RASEF: variants seen among roughly 807,000 people sequenced by gnomAD.
RASEF encodes the protein RAS and EF-hand domain containing.
Under a neutral mutation model 90.1 loss-of-function variants are expected in RASEF, and 68 were observed. The observed-to-expected ratio is 0.75, with a 90% CI of 0.62 to 0.92. RASEF has a LOEUF of 0.92. Among genes scored for constraint, RASEF ranks in the 40% least tolerant of loss-of-function variants. The pLI, the probability that RASEF is intolerant of heterozygous loss-of-function variation, is 0.00. For synonymous variants in RASEF, 331 were observed against 345.2 expected (o/e 0.96, Z 0.46); for missense variants, 949 against 937.2 (o/e 1.01, Z -0.16).
chr9:83,177,439 T>C, the RASEF span, among the ~76,000 whole-genome samples: 1 of 152,168 alleles, frequency 6.6e-6, no homozygotes, highest in East Asian at 1.9e-4. Flanking sequence ...GTATATCGTC[T>C]TCATTTTTGG....
chr9:83,011,444 T>C (rs1386269190), intron 5 of RASEF, among the ~76,000 whole-genome samples: 1 of 144,822 alleles, frequency 6.9e-6, no homozygotes, highest in Non-Finnish European at 1.5e-5. Flanking sequence ...TCCAGCTACT[T>C]GGGAGGCTGA....
the RASEF span, among the ~76,000 whole-genome samples, chr9:83,118,614 G>A: frequency 6.6e-6 from 1 of 152,150 alleles, no homozygotes; most frequent in Non-Finnish European, 1.5e-5. Flanking sequence ...ATGGCTGCAT[G>A]AAGGATATGG....
intron 16 of RASEF, among the ~76,000 whole-genome samples, chr9:82,988,911 T>C (rs1660832483): frequency 6.6e-6 from 1 of 152,216 alleles, no homozygotes; most frequent in African/African-American, 2.4e-5. Context: ...CTAGGTCACA[T>C]TCAAGGTTAG....
At chr9:83,109,416 A>G in the RASEF span, among the ~76,000 whole-genome samples, 1 of 152,204 alleles carries the variant, frequency 6.6e-6, no homozygotes, top group African/African-American at 2.4e-5. Context: ...CACAAAACAT[A>G]TATCAAAGGT....
the RASEF span, among the ~76,000 whole-genome samples, chr9:83,170,373 G>GT: frequency 6.6e-6 from 1 of 151,748 alleles, no homozygotes; most frequent in Non-Finnish European, 1.5e-5. Flanking sequence ...CTCCAGCTTT[G>GT]TTTTTATATT....
chr9:83,062,808 G>A lies in RASEF; in HGVS notation c.60C>T (p.Cys20=). The A allele has an allele frequency of 6.4e-7, 1 of 1,556,946 alleles. No homozygotes were observed. Among genetic ancestry groups the A allele is most frequent in the Non-Finnish European group, 8.6e-7 (1 of 1,161,816 alleles). The part of the protein sequence containing the change: ...LARLRSVFAA[C]DANRSGRLER... ...CCAGGCGCCCCGAGCGGTTCGCGTC[G>A]CAGGCGGCGAAGACTGAGCGCAGCC... The change falls in exon 1 of 17, where the codon TGC becomes TGT. Residue 20 remains cysteine (C), a synonymous_variant. Transcript: ENST00000376447.
the RASEF span, among the ~76,000 whole-genome samples, chr9:83,155,234 C>T: frequency 2.0e-5 from 3 of 152,278 alleles, no homozygotes; most frequent in South Asian, 6.2e-4. Context: ...CTTTAGAATA[C>T]CTGGATGCTC....
At chr9:83,158,453 TACAA>T in the RASEF span, among the ~76,000 whole-genome samples, 2,518 of 151,456 alleles carry the variant, frequency 0.017, 68 homozygotes, top group African/African-American at 0.058. Flanking sequence ...TTGGTTGTAG[TACAA>T]ACATAGTGTA....
the RASEF span, among the ~76,000 whole-genome samples, chr9:83,186,995 T>C: frequency 6.6e-6 from 1 of 152,002 alleles, no homozygotes; most frequent in African/African-American, 2.4e-5. Flanking sequence ...ATCTGGCCTG[T>C]ACACCCCAGG....
chr9:83,200,535 C>T, the RASEF span, among the ~76,000 whole-genome samples: 1 of 152,248 alleles, frequency 6.6e-6, no homozygotes. Context: ...ATTCGTTTAC[C>T]ATCTCAGCGA....
the RASEF span, among the ~76,000 whole-genome samples, chr9:83,084,918 C>T: frequency 6.6e-6 from 1 of 152,048 alleles, no homozygotes; most frequent in Admixed American, 6.6e-5. Context: ...TTGTTTTGAA[C>T]TTATTATATA....
chr9:83,183,578 G>C, the RASEF span, among the ~76,000 whole-genome samples: 11 of 152,116 alleles, frequency 7.2e-5, no homozygotes, highest in Non-Finnish European at 4.4e-5. Flanking sequence ...TAGATAGCTT[G>C]ACTTCCATTA....
At chr9:83,114,077 T>C in the RASEF span, among the ~76,000 whole-genome samples, 1 of 152,130 alleles carries the variant, frequency 6.6e-6, no homozygotes, top group Admixed American at 6.6e-5. Flanking sequence ...CGGCCAACAC[T>C]TAGGGTGTTG....
intron 1 of RASEF, among the ~76,000 whole-genome samples, chr9:83,058,172 CT>C (rs555842009): frequency 3.9e-3 from 223 of 57,882 alleles, no homozygotes; most frequent in Admixed American, 5.4e-3. Context: ...GTATTTATGT[CT>C]TTTTTTTTTT....
the RASEF span, among the ~76,000 whole-genome samples, chr9:83,171,947 C>A: frequency 1.6e-4 from 25 of 151,698 alleles, no homozygotes; most frequent in East Asian, 4.6e-3. Flanking sequence ...TTTTCTTCTA[C>A]TAATTTTGGA....
At chr9:83,115,819 T>A in the RASEF span, among the ~76,000 whole-genome samples, 1 of 152,060 alleles carries the variant, frequency 6.6e-6, no homozygotes, top group Non-Finnish European at 1.5e-5. Flanking sequence ...GAACTAGCTA[T>A]AAATACTGCT....
chr9:83,201,745 A>G, the RASEF span, among the ~76,000 whole-genome samples: 1 of 152,188 alleles, frequency 6.6e-6, no homozygotes, highest in Non-Finnish European at 1.5e-5. Context: ...AAAAATGCTC[A>G]GCAGGATTTC....
intron 1 of RASEF, chr9:83,049,218 G>C (rs1027601809): frequency 3.2e-6 from 2 of 624,652 alleles, no homozygotes; most frequent in Non-Finnish European, 4.0e-6. Context: ...ACATAAATCA[G>C]ATATAAACTT....
intron 9 of RASEF, among the ~76,000 whole-genome samples, 188 bp downstream of exon 9, chr9:83,004,310 A>G (rs1829089619): frequency 6.6e-6 from 1 of 152,228 alleles, no homozygotes; most frequent in African/African-American, 2.4e-5. Flanking sequence ...TCTTCAGGAA[A>G]TAACTTTGCC....
Sources: gnomAD v4.1 joint callset for allele counts (sites outside exome capture counted in the v4.1 genomes callset) on GRCh38, gnomAD v4.1.1 for gene constraint, MANE v1.5 for transcripts, NCBI Gene and HGNC (gene_info 2026-07-23, HGNC 2026-07-21) for gene names.